ACAT1: variants seen among roughly 807,000 people sequenced by gnomAD.
ACAT1 encodes acetyl-CoA acetyltransferase, mitochondrial.
ACAT1 carries 28 observed loss-of-function variants against 47.3 expected under a neutral mutation model. That is an observed-to-expected ratio of 0.59 (90% CI 0.44 to 0.81). The LOEUF (loss-of-function observed/expected upper bound fraction) is 0.81, where lower values mean the gene tolerates loss of function less well. ACAT1 is among the 30% of genes least tolerant of loss of function. The pLI is 0.00. For synonymous variants in ACAT1, 181 were observed against 173.6 expected (o/e 1.04, Z -0.34); for missense variants, 469 against 524.3 (o/e 0.89, Z 1.03).
intron 2 of ACAT1, among the ~76,000 whole-genome samples, chr11:108,132,873 A>AAG (rs1565287870): frequency 1.0e-4 from 14 of 137,568 alleles, no homozygotes; most frequent in African/African-American, 2.5e-4. Context: ...AAAAAAAAAA[A>AAG]AAAAAAAAGA....
At chr11:108,142,413 C>T (rs763646227) in intron 8 of ACAT1, 24 bp from the exon 9 acceptor site, 3 of 1,575,346 alleles carry the variant, frequency 1.9e-6, no homozygotes, top group Admixed American at 1.7e-5. Context: ...AATGTTTTGA[C>T]TTCAACCTCA....
intron 1 of ACAT1, 83 bp from the exon 2 acceptor site, chr11:108,131,824 A>C (rs2077365427): frequency 1.6e-6 from 1 of 610,846 alleles, no homozygotes; most frequent in African/African-American, 1.9e-5. Context: ...GGAAGAAACC[A>C]CTATAACCTT....
chr11:108,139,104 T>G, intron 6 of ACAT1, 63 bp downstream of exon 6: 1 of 1,591,254 alleles, frequency 6.3e-7, no homozygotes, highest in Non-Finnish European at 8.6e-7. Flanking sequence ...TTTTTCTTAC[T>G]CTATGTACTT....
chr11:108,144,165 C>A, intron 10 of ACAT1, 118 bp downstream of exon 10: 2 of 1,114,454 alleles, frequency 1.8e-6, no homozygotes, highest in Non-Finnish European at 2.7e-6. Flanking sequence ...AGCTTGGTTT[C>A]AAATCTTCCC....
intron 1 of ACAT1, among the ~76,000 whole-genome samples, chr11:108,131,013 A>C (rs943960848): frequency 6.6e-6 from 1 of 152,190 alleles, no homozygotes; most frequent in African/African-American, 2.4e-5. Flanking sequence ...GCAGCCTTCC[A>C]AAGTGTTGGG....
At chr11:108,135,110 G>A (rs377357276) in intron 4 of ACAT1, 32 bp from the exon 5 acceptor site, 21 of 1,496,534 alleles carry the variant, frequency 1.4e-5, no homozygotes, top group East Asian at 2.3e-5. Context: ...TTTGAGTATC[G>A]GTTTTTCAAA....
In ACAT1 at chr11:108,125,699, G is replaced by A. The variant is rs866448008; in HGVS notation, c.72+4021G>A. 4.6e-5 allele frequency among the ~76,000 whole-genome samples: 7 copies of A among 152,008 alleles called. No homozygotes were observed. In the East Asian group the frequency reaches 7.8e-4, roughly 17 times the overall value. On this transcript the variant is annotated intron_variant, in intron 1 of 11. Coordinates refer to ENST00000265838, the MANE Select transcript of ACAT1 (RefSeq NM_000019.4). ...TCCCAGCACTTTGGGAGGCTGAGGCGGGCAGATCACCAGGTCAGGAGATCG... is the reference window on the plus strand; with the variant it reads ...TCCCAGCACTTTGGGAGGCTGAGGCAGGCAGATCACCAGGTCAGGAGATCG...
At chr11:108,144,549 A>G (rs2077663600) in intron 10 of ACAT1, among the ~76,000 whole-genome samples, 1 of 152,238 alleles carries the variant, frequency 6.6e-6, no homozygotes, top group Non-Finnish European at 1.5e-5. Flanking sequence ...ACAGGAAAAG[A>G]AAGTTTTAGG....
chr11:108,121,030 G>A (rs2077139008), upstream of ACAT1, among the ~76,000 whole-genome samples: 1 of 152,016 alleles, frequency 6.6e-6, no homozygotes, highest in African/African-American at 2.4e-5. Flanking sequence ...GTGAAACCCC[G>A]TCTCCACAAA....
At position 108,135,400 on chromosome 11, in the gene ACAT1, T is replaced by G. The variant is rs112984130; in HGVS notation, c.435+158T>G. 9.6e-3 allele frequency among the ~76,000 whole-genome samples: 1,462 copies of G among 152,294 alleles called. 33 individuals carry two copies. Among genetic ancestry groups the G allele is most frequent in the African/African-American group, 0.033 (1,360 of 41,552 alleles). On this transcript the variant is annotated intron_variant, in intron 5 of 11. Transcript: ENST00000265838. ...AGAGTGTCTGGATTTGCTAAGTCCA[T>G]TTGAAGTATGGTCAAAATGATAGCG...
At position 108,133,858 on chromosome 11, in the gene ACAT1, A is replaced by T. The variant is rs2135334570; in HGVS notation, c.159A>T (p.Gly53=). The T allele has an allele frequency of 6.2e-7, 1 of 1,614,044 alleles. No individual in the cohort carries two copies. The highest frequency in any genetic ancestry group is 1.3e-5 in the African/African-American group (1 of 75,036). The change falls in exon 3 of 12, where the codon GGA becomes GGT. Residue 53 remains glycine (G), a synonymous_variant. Coordinates refer to ENST00000265838, the MANE Select transcript of ACAT1 (RefSeq NM_000019.4). ...TAAGTGCTACAAGAACACCCATTGG[A>T]TCTTTTTTAGGCAGCCTTTCCTTGC... ...VIVSATRTPI[G]SFLGSLSLLP...
upstream of ACAT1, among the ~76,000 whole-genome samples, chr11:108,117,309 CT>C (rs1161979278): frequency 4.9e-3 from 679 of 137,642 alleles, 8 homozygotes; most frequent in South Asian, 0.033. Context: ...CTGTCTCTCT[CT>C]TTTTTTTTTT....
At chr11:108,142,612 G>C in intron 9 of ACAT1, 62 bp downstream of exon 9, 1 of 1,359,668 alleles carries the variant, frequency 7.4e-7, no homozygotes, top group Non-Finnish European at 1.0e-6. Flanking sequence ...TGAGGTGGGA[G>C]GATTGCTTGA....
chr11:108,130,215 G>A lies in ACAT1; in HGVS notation c.73-1692G>A, dbSNP rs560838907. ...CATCCAACTGACCCAGTCTCTCTGG[G>A]TCCTAGCTTGGGTGAGTCCATTCCA... On this transcript the variant is annotated intron_variant, in intron 1 of 11. Transcript: ENST00000265838. Among the ~76,000 whole-genome samples, 67 of 152,152 alleles carry A rather than the reference G, an allele frequency of 4.4e-4. 1 individual carries two copies. The highest frequency in any genetic ancestry group is 3.4e-3 in the Middle Eastern group (1 of 294).
intron 10 of ACAT1, 97 bp downstream of exon 10, chr11:108,144,144 A>G: frequency 7.3e-7 from 1 of 1,368,002 alleles, no homozygotes; most frequent in Non-Finnish European, 1.0e-6. Flanking sequence ...TATCTGCCAA[A>G]GCAGAGAGAT....
At chr11:108,144,345 G>C in intron 10 of ACAT1, 1 of 388,536 alleles carries the variant, frequency 2.6e-6, no homozygotes, top group South Asian at 3.1e-5. Flanking sequence ...ACAAAGCGGA[G>C]GGAATGCTGG....
intron 8 of ACAT1, among the ~76,000 whole-genome samples, chr11:108,142,083 T>A (rs372761203): frequency 1.4e-4 from 21 of 152,354 alleles, no homozygotes; most frequent in South Asian, 6.2e-4. Flanking sequence ...AATAAATATC[T>A]GATTTGAAAA....
rs2077422824 is a variant in ACAT1 at position 108,134,422 on chromosome 11, A to G, written c.334+106A>G. 3.7e-6 allele frequency: 3 copies of G among 810,456 alleles called. No homozygotes were observed. The South Asian group carries it at 4.1e-5, about 11-fold the overall frequency. The allele number at this position is 810,456 out of a possible 1,614,324, so 50.2% of individuals were successfully genotyped here. ...CACTTTGGGAGGCCGAGGCAGGCGGATCACGAGGTCAAGAGATGGAGACCA... is the reference window on the plus strand; with the variant it reads ...CACTTTGGGAGGCCGAGGCAGGCGGGTCACGAGGTCAAGAGATGGAGACCA... On this transcript the variant is annotated intron_variant, in intron 4 of 11. Coordinates refer to ENST00000265838, the MANE Select transcript of ACAT1 (RefSeq NM_000019.4).
chr11:108,122,142 A>G (rs1485200416), intron 1 of ACAT1, among the ~76,000 whole-genome samples: 2 of 152,220 alleles, frequency 1.3e-5, no homozygotes, highest in East Asian at 3.8e-4. Context: ...GGGAGAGGGC[A>G]CCATGTGATC....
Sources: allele counts gnomAD v4.1 joint callset (sites outside exome capture counted in the v4.1 genomes callset), GRCh38; gene constraint gnomAD v4.1.1; transcripts MANE v1.5; gene names NCBI Gene and HGNC (gene_info 2026-07-23, HGNC 2026-07-21).